FGF14: variants seen among roughly 807,000 people sequenced by gnomAD.
FGF14 encodes the protein fibroblast growth factor homologous factor 4.
A neutral mutation model predicts 25.5 loss-of-function variants in FGF14; 5 were observed. The observed-to-expected ratio is 0.20, with a 90% confidence interval of 0.10 to 0.41. The LOEUF (loss-of-function observed/expected upper bound fraction) is 0.41. FGF14 is among the 10% of genes least tolerant of loss of function. The probability of loss-of-function intolerance (pLI) is 1.00; values close to 1 mark genes in which losing one functional copy is unlikely to be tolerated. For missense variants in FGF14, 222 were observed against 320.1 expected, an observed-to-expected ratio of 0.69 and a Z score of 2.34; for synonymous variants, 138 against 118.3, an observed-to-expected ratio of 1.17 and a Z score of -1.08.
At chr13:102,269,387 C>T (rs2053141298) in intron 1 of FGF14, among the ~76,000 whole-genome samples, 1 of 152,004 alleles carries the variant, frequency 6.6e-6, no homozygotes, top group African/African-American at 2.4e-5. Flanking sequence ...TTTAGGTGAG[C>T]TATTATATAA....
At chr13:102,129,586 C>T (rs1187952618) in intron 1 of FGF14, among the ~76,000 whole-genome samples, 1 of 151,928 alleles carries the variant, frequency 6.6e-6, no homozygotes, top group Non-Finnish European at 1.5e-5. Flanking sequence ...AATGTGTACA[C>T]ACTAGTTCTC....
At position 101,797,118 on chromosome 13, in the gene FGF14, C is replaced by T. The variant is rs115653363; in HGVS notation, c.409-70308G>A. On this transcript the variant is annotated intron_variant, in intron 3 of 4. Coordinates refer to ENST00000376143, the MANE Select transcript of FGF14 (RefSeq NM_004115.4). The stretch of plus-strand genomic sequence containing the variant: ...TAGAATTATAATACCCACCTTACAA[C>T]ATGAGACAGTGTGTGTGCAAACACA... 6.8e-3 allele frequency among the ~76,000 whole-genome samples: 1,031 copies of T among 152,276 alleles called. 11 individuals carry two copies. Among genetic ancestry groups the T allele is most frequent in the African/African-American group, 0.023 (946 of 41,566 alleles).
At chr13:102,051,920 A>C (rs1007886668) in intron 1 of FGF14, among the ~76,000 whole-genome samples, 1 of 152,232 alleles carries the variant, frequency 6.6e-6, no homozygotes, top group Non-Finnish European at 1.5e-5. Flanking sequence ...ACACAAAGAA[A>C]TGGAGATATA....
rs1402174612 is a variant in FGF14 at position 101,719,566 on chromosome 13, A to AATCTT, written c.*3260_*3264dup. 4.6e-5 allele frequency: 7 copies of AATCTT among 152,138 alleles called. No individual in the cohort carries two copies. Among genetic ancestry groups the AATCTT allele is most frequent in the African/African-American group, 1.4e-4 (6 of 41,448 alleles). The allele number at this position is 152,138 out of a possible 1,614,324, so 9.4% of individuals were successfully genotyped here. A position where few individuals can be genotyped will look rare whatever the true frequency, so the allele number is the denominator to read the frequency against. On this transcript the variant is annotated 3_prime_UTR_variant, in exon 5 of 5. Transcript: ENST00000376143. ...GTGGTAGCAAAATGTTTTAAAAAGC[A>AATCTT]ATCTTATATTAGAAAACAAAAATGT...
chr13:102,303,904 A>G (rs2055218422), intron 1 of FGF14, among the ~76,000 whole-genome samples: 1 of 152,220 alleles, frequency 6.6e-6, no homozygotes, highest in Non-Finnish European at 1.5e-5. Flanking sequence ...AAAGCTGTGT[A>G]GCTTGCTAAG....
At chr13:101,865,208 T>C (rs557058034) in intron 3 of FGF14, among the ~76,000 whole-genome samples, 22 of 152,260 alleles carry the variant, frequency 1.4e-4, no homozygotes, top group African/African-American at 4.8e-4. Flanking sequence ...TGTTTACAAT[T>C]TACATTCCAA....
chr13:101,854,052 A>G lies in FGF14; in HGVS notation c.408+14673T>C, dbSNP rs186782373. On this transcript the variant is annotated intron_variant, in intron 3 of 4. Coordinates refer to ENST00000376143, the MANE Select transcript of FGF14 (RefSeq NM_004115.4). ...TGCTCATTTAAACTATCTATTCTACATTGCAGTACTGTTGAGATATGTTCC... is the reference window on the plus strand; with the variant it reads ...TGCTCATTTAAACTATCTATTCTACGTTGCAGTACTGTTGAGATATGTTCC... Among the ~76,000 whole-genome samples the G allele has an allele frequency of 5.3e-5, 8 of 152,174 alleles. 1 individual carries two copies. The highest frequency in any genetic ancestry group is 3.3e-4 in the Admixed American group (5 of 15,266).
intron 1 of FGF14, among the ~76,000 whole-genome samples, chr13:101,912,987 T>C (rs2033104462): frequency 6.6e-6 from 1 of 152,144 alleles, no homozygotes; most frequent in Non-Finnish European, 1.5e-5. Context: ...ATATGTATAC[T>C]TAATTAATTA....
chr13:101,805,115 T>C (rs941178435), intron 3 of FGF14, among the ~76,000 whole-genome samples: 2 of 152,172 alleles, frequency 1.3e-5, no homozygotes, highest in African/African-American at 4.8e-5. Context: ...ATCTATGAAT[T>C]TCATGTGAAA....
chr13:101,977,204 C>T (rs1416214625), intron 1 of FGF14, among the ~76,000 whole-genome samples: 1 of 149,464 alleles, frequency 6.7e-6, no homozygotes, highest in Non-Finnish European at 1.5e-5. Context: ...AGGACCCAGG[C>T]ACTACTCCCC....
intron 1 of FGF14, among the ~76,000 whole-genome samples, chr13:102,396,108 C>T (rs552338424): frequency 1.3e-5 from 2 of 152,226 alleles, no homozygotes; most frequent in South Asian, 2.1e-4. Flanking sequence ...ATAACTAAAC[C>T]TTGTACCTGG....
intron 1 of FGF14, among the ~76,000 whole-genome samples, chr13:102,139,438 A>G (rs1460054059): frequency 6.6e-6 from 1 of 152,168 alleles, no homozygotes; most frequent in Non-Finnish European, 1.5e-5. Flanking sequence ...AAAATAACAT[A>G]TATCTTGCAG....
intron 3 of FGF14, among the ~76,000 whole-genome samples, chr13:101,809,105 A>G (rs2041357594): frequency 6.6e-6 from 1 of 152,164 alleles, no homozygotes; most frequent in Non-Finnish European, 1.5e-5. Context: ...TATGTGTCCT[A>G]TATTAAGAGT....
intron 1 of FGF14, among the ~76,000 whole-genome samples, chr13:102,258,733 G>A (rs1286140669): frequency 3.9e-5 from 6 of 152,186 alleles, no homozygotes; most frequent in Non-Finnish European, 8.8e-5. Flanking sequence ...CTGCACATGA[G>A]CTTTGTGAGA....
intron 3 of FGF14, among the ~76,000 whole-genome samples, chr13:101,767,707 T>C (rs1293181840): frequency 6.6e-6 from 1 of 152,148 alleles, no homozygotes; most frequent in African/African-American, 2.4e-5. Flanking sequence ...AGTAGTTCGA[T>C]GACTGGCAGA....
chr13:101,760,976 T>C (rs1288239692), intron 3 of FGF14, among the ~76,000 whole-genome samples: 1 of 152,156 alleles, frequency 6.6e-6, no homozygotes, highest in East Asian at 1.9e-4. Context: ...AAAAAAAGTA[T>C]TACTTCACCT....
intron 1 of FGF14, among the ~76,000 whole-genome samples, chr13:101,996,395 T>C (rs2039188973): frequency 6.6e-6 from 1 of 152,044 alleles, no homozygotes; most frequent in South Asian, 2.1e-4. Context: ...AGTGGCAAAA[T>C]GGATGACTTA....
intron 1 of FGF14, chr13:102,367,326 C>A (rs2057743216): frequency 6.6e-6 from 1 of 152,248 alleles, no homozygotes; most frequent in African/African-American, 2.4e-5. Flanking sequence ...GTCTCAGTTC[C>A]TTGCCATATG....
intron 1 of FGF14, among the ~76,000 whole-genome samples, chr13:102,214,261 A>G (rs2050276783): frequency 6.6e-6 from 1 of 152,228 alleles, no homozygotes; most frequent in Non-Finnish European, 1.5e-5. Flanking sequence ...GCCATTAATT[A>G]CTTTCAACCA....
Sources: gnomAD v4.1 joint callset for allele counts (sites outside exome capture counted in the v4.1 genomes callset) on GRCh38, gnomAD v4.1.1 for gene constraint, MANE v1.5 for transcripts, NCBI Gene and HGNC (gene_info 2026-07-23, HGNC 2026-07-21) for gene names.